The following FCRL2 variants were observed in gnomAD, a reference collection of about 807,000 sequenced individuals.
The protein encoded by FCRL2 is Fc receptor-like protein 2.
A neutral mutation model predicts 59.8 loss-of-function variants in FCRL2; 48 were observed. That is an observed-to-expected ratio of 0.80 (90% CI 0.64 to 1.02). The LOEUF is 1.02. Among genes scored for constraint, FCRL2 ranks in the 50% least tolerant of loss-of-function variants. FCRL2 has a pLI of 0.00. For synonymous variants in FCRL2, 251 were observed against 229.5 expected (o/e 1.09, Z -0.85); for missense variants, 658 against 597.3 (o/e 1.10, Z -1.06).
chr1:157,746,971 C>T, intron 10 of FCRL2, 72 bp from the exon 11 acceptor site: 6 of 1,470,784 alleles, frequency 4.1e-6, no homozygotes, highest in Non-Finnish European at 5.7e-6. Context: ...CTTTATGCCC[C>T]AGGGCATAGA....
intron 2 of FCRL2, chr1:157,774,454 T>G (rs1175834013): frequency 2.2e-6 from 1 of 456,468 alleles, no homozygotes; most frequent in Non-Finnish European, 4.4e-6. Context: ...TCTCTCTTAC[T>G]CTTTTTAAAA....
chr1:157,770,208 A>C, intron 3 of FCRL2, 58 bp from the exon 4 acceptor site: 3 of 1,582,718 alleles, frequency 1.9e-6, no homozygotes, highest in Non-Finnish European at 2.6e-6. Flanking sequence ...TCCTGCTGAA[A>C]AGCCTCTGGC....
chr1:157,776,271 C>T lies in FCRL2; in HGVS notation c.32-476G>A, dbSNP rs1650403793. Among the ~76,000 whole-genome samples, 3 of 152,228 alleles carry T rather than the reference C, an allele frequency of 2.0e-5. No individual in the cohort carries two copies. In the South Asian group the frequency reaches 6.2e-4, roughly 32 times the overall value. On this transcript the variant is annotated intron_variant, in intron 1 of 11. Transcript: ENST00000361516. ...CCAATAACAAATATTTATTTAGTGC[C>T]TACACAGCATAGAGAAAGGGATCTT... is the stretch of plus-strand genomic sequence containing the variant.
At chr1:157,759,951 CA>C (rs1293219753) in intron 7 of FCRL2, among the ~76,000 whole-genome samples, 1 of 152,040 alleles carries the variant, frequency 6.6e-6, no homozygotes, top group Non-Finnish European at 1.5e-5. Context: ...GGTATATTCC[CA>C]AAGGAATATA....
At chr1:157,767,676 T>A (rs1164401931) in intron 5 of FCRL2, 167 bp from the exon 6 acceptor site, 1 of 1,582,450 alleles carries the variant, frequency 6.3e-7, no homozygotes, top group South Asian at 1.2e-5. Context: ...ACAATATATT[T>A]AGACGTTTGA....
intron 7 of FCRL2, among the ~76,000 whole-genome samples, chr1:157,763,521 C>T (rs1649261149): frequency 6.6e-6 from 1 of 151,754 alleles, no homozygotes; most frequent in Non-Finnish European, 1.5e-5. Flanking sequence ...GTGAAAACTC[C>T]ATCTCAAAAA....
At chr1:157,769,579 C>A (rs986472293) in intron 4 of FCRL2, 15 of 263,194 alleles carry the variant, frequency 5.7e-5, no homozygotes, top group Admixed American at 5.1e-4. Context: ...AGGCGCCCCC[C>A]ACCAAGCCCA....
intron 7 of FCRL2, 89 bp from the exon 8 acceptor site, chr1:157,749,766 G>A (rs1648040680): frequency 2.1e-6 from 2 of 962,440 alleles, no homozygotes; most frequent in Non-Finnish European, 1.6e-6. Context: ...ATAATCAGCT[G>A]GTAAGACATA....
At chr1:157,760,508 A>C (rs1393367489) in intron 7 of FCRL2, among the ~76,000 whole-genome samples, 1 of 151,740 alleles carries the variant, frequency 6.6e-6, no homozygotes, top group Admixed American at 6.6e-5. Context: ...GGCACCTGTA[A>C]TCTCAGCTAC....
intron 10 of FCRL2, among the ~76,000 whole-genome samples, chr1:157,747,770 T>A (rs1332813706): frequency 1.3e-5 from 2 of 152,220 alleles, no homozygotes; most frequent in Non-Finnish European, 2.9e-5. Flanking sequence ...ACTCAGCAGT[T>A]CCTGCAAAGC....
intron 7 of FCRL2, among the ~76,000 whole-genome samples, chr1:157,751,793 G>A (rs1385591925): frequency 1.3e-5 from 2 of 152,240 alleles, no homozygotes; most frequent in East Asian, 3.9e-4. Flanking sequence ...GGAGAAGAAT[G>A]AATCACCTGC....
At chr1:157,758,627 C>T (rs77534732) in intron 7 of FCRL2, among the ~76,000 whole-genome samples, 72 of 100,852 alleles carry the variant, frequency 7.1e-4, no homozygotes, top group Non-Finnish European at 1.3e-3. Context: ...AAAAAAAAAT[C>T]TAAAATTCAT....
At chr1:157,751,652 C>T (rs1041513045) in intron 7 of FCRL2, among the ~76,000 whole-genome samples, 1 of 152,212 alleles carries the variant, frequency 6.6e-6, no homozygotes, top group Non-Finnish European at 1.5e-5. Context: ...AGAGGCAAAG[C>T]TTGAAGCCAT....
chr1:157,767,037 T>C, intron 6 of FCRL2, 66 bp from the exon 7 acceptor site: 1 of 1,415,532 alleles, frequency 7.1e-7, no homozygotes, highest in Non-Finnish European at 9.8e-7. Flanking sequence ...ATAAATGCTA[T>C]ATAGGGATGT....
At chr1:157,753,819 A>G (rs1380948424) in intron 7 of FCRL2, among the ~76,000 whole-genome samples, 1 of 152,168 alleles carries the variant, frequency 6.6e-6, no homozygotes, top group East Asian at 1.9e-4. Flanking sequence ...GTTGAGAGTC[A>G]TCTCATTAGC....
At chr1:157,751,716 G>T (rs550753600) in intron 7 of FCRL2, among the ~76,000 whole-genome samples, 9 of 152,182 alleles carry the variant, frequency 5.9e-5, no homozygotes, top group African/African-American at 1.9e-4. Context: ...CCAAAATAAG[G>T]GTGGAGGGGA....
chr1:157,776,947 A>T, intron 1 of FCRL2, 96 bp downstream of exon 1: 1 of 1,208,982 alleles, frequency 8.3e-7, no homozygotes, highest in Non-Finnish European at 1.2e-6. Flanking sequence ...GAGCATCCCC[A>T]CCAGTCCCTG....
chr1:157,769,776 G>A (rs1649838108), intron 4 of FCRL2, 90 bp downstream of exon 4: 4 of 1,456,344 alleles, frequency 2.7e-6, no homozygotes, highest in Non-Finnish European at 3.7e-6. Flanking sequence ...TCAAGGACAG[G>A]AGTTGAACAA....
chr1:157,762,271 A>C (rs1649156551), intron 7 of FCRL2, among the ~76,000 whole-genome samples: 1 of 152,074 alleles, frequency 6.6e-6, no homozygotes, highest in Non-Finnish European at 1.5e-5. Context: ...CACAGCCACT[A>C]CCAACACCAG....
Sources: allele counts gnomAD v4.1 joint callset (sites outside exome capture counted in the v4.1 genomes callset), GRCh38; gene constraint gnomAD v4.1.1; transcripts MANE v1.5; gene names NCBI Gene and HGNC (gene_info 2026-07-23, HGNC 2026-07-21).